Variants in HSD17B12 observed in about 807,000 individuals in gnomAD.
HSD17B12 encodes the protein hydroxysteroid 17-beta dehydrogenase 12, also known as very-long-chain 3-oxoacyl-CoA reductase.
A neutral mutation model predicts 39.3 loss-of-function variants in HSD17B12; 32 were observed. That is an observed-to-expected ratio of 0.81 (90% confidence interval 0.61 to 1.09). HSD17B12 has a LOEUF of 1.09. Among genes scored for constraint, HSD17B12 ranks in the 50% least tolerant of loss-of-function variants. HSD17B12 has a pLI of 0.00. For synonymous variants in HSD17B12, 150 were observed against 146.7 expected (o/e 1.02, Z -0.16); for missense variants, 342 against 382.9 (o/e 0.89, Z 0.89).
intron 8 of HSD17B12, among the ~76,000 whole-genome samples, chr11:43,839,456 G>GA: frequency 6.6e-6 from 1 of 152,182 alleles, no homozygotes; most frequent in African/African-American, 2.4e-5. Context: ...GTCCACATTT[G>GA]AAAAATGGCA....
At chr11:43,711,054 A>C (rs1465374645) in intron 1 of HSD17B12, among the ~76,000 whole-genome samples, 1 of 152,142 alleles carries the variant, frequency 6.6e-6, no homozygotes, top group Admixed American at 6.6e-5. Flanking sequence ...TAGCTTCCCA[A>C]AGTGCTGGGA....
the HSD17B12 span, among the ~76,000 whole-genome samples, chr11:43,598,672 T>C: frequency 6.6e-6 from 1 of 152,190 alleles, no homozygotes; most frequent in East Asian, 1.9e-4. Flanking sequence ...TTAATCCTCT[T>C]GGTTCCAACT....
intron 3 of HSD17B12, among the ~76,000 whole-genome samples, chr11:43,763,701 C>T (rs1225154754): frequency 2.7e-5 from 4 of 150,574 alleles, no homozygotes; most frequent in South Asian, 2.1e-4. Flanking sequence ...GCTTAAAATA[C>T]GTTAACTTTA....
intron 3 of HSD17B12, among the ~76,000 whole-genome samples, chr11:43,783,502 T>A (rs746193741): frequency 6.6e-6 from 1 of 151,896 alleles, no homozygotes; most frequent in Non-Finnish European, 1.5e-5. Context: ...CCATGGTGGT[T>A]TGTTCCACCC....
At chr11:43,804,631 C>G (rs1951001499) in intron 4 of HSD17B12, among the ~76,000 whole-genome samples, 1 of 152,090 alleles carries the variant, frequency 6.6e-6, no homozygotes, top group South Asian at 2.1e-4. Context: ...GTTATCCTTG[C>G]CTGTGCCACC....
the HSD17B12 span, among the ~76,000 whole-genome samples, chr11:43,633,048 T>C: frequency 6.6e-6 from 1 of 152,234 alleles, no homozygotes; most frequent in Non-Finnish European, 1.5e-5. Flanking sequence ...TTTTGTTGCA[T>C]GGATATATCA....
At chr11:43,803,035 T>C (rs992589821) in intron 4 of HSD17B12, among the ~76,000 whole-genome samples, 2 of 152,234 alleles carry the variant, frequency 1.3e-5, no homozygotes, top group South Asian at 2.1e-4. Flanking sequence ...TCCTTAATCA[T>C]AAGATTTATG....
intron 3 of HSD17B12, among the ~76,000 whole-genome samples, chr11:43,789,854 C>T (rs765408499): frequency 3.3e-5 from 5 of 152,110 alleles, no homozygotes; most frequent in Non-Finnish European, 5.9e-5. Flanking sequence ...ATCTCTTGAA[C>T]CCAGAAGGTC....
chr11:43,659,376 G>A, the HSD17B12 span, among the ~76,000 whole-genome samples: 9 of 152,126 alleles, frequency 5.9e-5, no homozygotes, highest in East Asian at 5.8e-4. Flanking sequence ...TTCAGCTCAC[G>A]CACAGTGCAT....
the HSD17B12 span, among the ~76,000 whole-genome samples, chr11:43,646,702 C>T: frequency 6.6e-6 from 1 of 152,154 alleles, no homozygotes; most frequent in Non-Finnish European, 1.5e-5. Context: ...AGAGCCCTTC[C>T]AGACATTTGC....
At chr11:43,701,558 A>G (rs1320582256) in intron 1 of HSD17B12, among the ~76,000 whole-genome samples, 1 of 152,128 alleles carries the variant, frequency 6.6e-6, no homozygotes, top group Non-Finnish European at 1.5e-5. Context: ...ACATATAACT[A>G]TCCAGTTTTC....
chr11:43,614,561 A>G, the HSD17B12 span, among the ~76,000 whole-genome samples: 2 of 152,048 alleles, frequency 1.3e-5, no homozygotes, highest in Non-Finnish European at 2.9e-5. Flanking sequence ...AGTTTCTTAG[A>G]TCTGTGGGTT....
At chr11:43,557,135 T>C in the HSD17B12 span, among the ~76,000 whole-genome samples, 1 of 152,156 alleles carries the variant, frequency 6.6e-6, no homozygotes, top group Non-Finnish European at 1.5e-5. Flanking sequence ...CCTGGGGTCT[T>C]GTATGTGTGG....
intron 3 of HSD17B12, among the ~76,000 whole-genome samples, chr11:43,772,860 C>T (rs1950662532): frequency 6.6e-6 from 1 of 152,196 alleles, no homozygotes; most frequent in South Asian, 2.1e-4. Flanking sequence ...CCTGTAGTCT[C>T]AGCACCTTGG....
intron 7 of HSD17B12, 113 bp from the exon 8 acceptor site, chr11:43,838,204 A>G: frequency 1.3e-6 from 1 of 755,574 alleles, no homozygotes. Context: ...GATATGTGGT[A>G]GAAAAACAGC....
the HSD17B12 span, among the ~76,000 whole-genome samples, chr11:43,627,831 C>T: frequency 1.2e-4 from 18 of 151,702 alleles, no homozygotes; most frequent in East Asian, 2.5e-3. Context: ...AATATTGGTC[C>T]GGAAGTTTCT....
chr11:43,703,897 TTTCA>T (rs1367339729), intron 1 of HSD17B12, among the ~76,000 whole-genome samples: 1 of 152,214 alleles, frequency 6.6e-6, no homozygotes, highest in African/African-American at 2.4e-5. Context: ...TCCATTTCCA[TTTCA>T]TTTATTTCTG....
chr11:43,742,801 T>G (rs1950381543), intron 1 of HSD17B12, among the ~76,000 whole-genome samples: 1 of 151,964 alleles, frequency 6.6e-6, no homozygotes, highest in Non-Finnish European at 1.5e-5. Flanking sequence ...CACTTCTCTG[T>G]TTTCTCAGAA....
intron 3 of HSD17B12, among the ~76,000 whole-genome samples, chr11:43,768,302 ATTATT>A (rs1950615450): frequency 1.3e-5 from 2 of 152,226 alleles, no homozygotes; most frequent in African/African-American, 4.8e-5. Flanking sequence ...GAGTTATTAT[ATTATT>A]TAATTGATAT....
Sources: allele counts gnomAD v4.1 joint callset (sites outside exome capture counted in the v4.1 genomes callset), GRCh38; gene constraint gnomAD v4.1.1; transcripts MANE v1.5; gene names NCBI Gene and HGNC (gene_info 2026-07-23, HGNC 2026-07-21).